The following UPP2 variants were observed in gnomAD, a reference collection of about 807,000 sequenced individuals.
UPP2 encodes the protein UPase 2.
UPP2 carries 23 observed loss-of-function variants against 26.7 expected under a neutral mutation model. The ratio of observed to expected loss-of-function variants is 0.86; its 90% CI spans 0.62 to 1.22. The LOEUF (loss-of-function observed/expected upper bound fraction) is 1.22, where lower values mean the gene tolerates loss of function less well. UPP2 is among the 50% of genes most tolerant of loss of function. The pLI is 0.00. For synonymous variants in UPP2, 127 were observed against 141.3 expected, an observed-to-expected ratio of 0.90 and a Z score of 0.72; for missense variants, 387 against 396.7, an observed-to-expected ratio of 0.98 and a Z score of 0.21.
At chr2:158,098,223 A>C (rs1452458347), upstream of UPP2, among the ~76,000 whole-genome samples, 1 of 152,112 alleles carries the variant, frequency 6.6e-6, no homozygotes, top group Non-Finnish European at 1.5e-5. Flanking sequence ...ATGGTGCAAG[A>C]GGCAGGCCAA....
At chr2:158,097,620 G>A (rs559100149), upstream of UPP2, among the ~76,000 whole-genome samples, 32 of 152,266 alleles carry the variant, frequency 2.1e-4, 1 homozygote, top group South Asian at 6.6e-3. Context: ...CCTTTGCAAG[G>A]ATTAGGGGAT....
At chr2:158,018,402 G>A (rs1245277441) in intron 3 of UPP2, among the ~76,000 whole-genome samples, 1 of 152,226 alleles carries the variant, frequency 6.6e-6, no homozygotes, top group African/African-American at 2.4e-5. Flanking sequence ...CTGAATGCAA[G>A]TGAGCATTAG....
chr2:158,058,292 CAAAAAAAAAA>C (rs57994785), intron 3 of UPP2, among the ~76,000 whole-genome samples: 1 of 38,806 alleles, frequency 2.6e-5, no homozygotes, highest in Non-Finnish European at 5.2e-5. Context: ...GACTCCGTCT[CAAAAAAAAAA>C]AAAAAAAAAA....
Position 158,095,800 on chromosome 2 carries a change from T to C in UPP2, c.148-6240T>C, listed in dbSNP as rs532057354. Reference sequence around the variant, plus strand: ...ATTCTTCCTGTTTTTTTTTTCATTATTTTTCCTTATCCTTCAGATTTCTAT... The same window carrying C: ...ATTCTTCCTGTTTTTTTTTTCATTACTTTTCCTTATCCTTCAGATTTCTAT... On this transcript the variant is annotated intron_variant, in intron 3 of 9. Transcript: ENST00000605860. Among the ~76,000 whole-genome samples the C allele has an allele frequency of 3.3e-5, 5 of 152,244 alleles. No individual in the cohort carries two copies. In the South Asian group the frequency reaches 1.0e-3, roughly 32 times the overall value.
chr2:158,125,072 AAGG>A (rs1683664051), intron 6 of UPP2, among the ~76,000 whole-genome samples: 1 of 152,220 alleles, frequency 6.6e-6, no homozygotes, highest in Admixed American at 6.5e-5. Flanking sequence ...GGGAGAGACC[AAGG>A]AGGAGTGGCC....
At chr2:158,058,259 T>C (rs556045516) in intron 3 of UPP2, among the ~76,000 whole-genome samples, 10 of 142,776 alleles carry the variant, frequency 7.0e-5, no homozygotes, top group South Asian at 2.3e-4. Context: ...TGCCACTGCA[T>C]GCCAGCCTGG....
chr2:158,101,198 G>A (rs1244580715), upstream of UPP2, among the ~76,000 whole-genome samples: 3 of 152,204 alleles, frequency 2.0e-5, no homozygotes, highest in Non-Finnish European at 2.9e-5. Context: ...GGATGAAGTT[G>A]TCTAGTTTTC....
chr2:158,041,061 A>G (rs761587169), intron 3 of UPP2, among the ~76,000 whole-genome samples: 36 of 152,320 alleles, frequency 2.4e-4, no homozygotes, highest in Non-Finnish European at 4.4e-4. Flanking sequence ...TTAGCCTAAC[A>G]GGGTGGCTGT....
intron 2 of UPP2, among the ~76,000 whole-genome samples, chr2:158,113,151 T>C (rs1461070132): frequency 6.6e-6 from 1 of 152,202 alleles, no homozygotes; most frequent in Non-Finnish European, 1.5e-5. Flanking sequence ...TCTCCAGAAA[T>C]ATTCAGAAAT....
rs1294551112 is a variant in UPP2, at chr2:158,073,729, TC to T, written c.148-28309del. ...AAACAAACTTTTACCCTAGAACATATCCAATGAAAATATCCTTCAAGCATGA... is the reference window on the plus strand; with the variant it reads ...AAACAAACTTTTACCCTAGAACATATCAATGAAAATATCCTTCAAGCATGA... On this transcript the variant is annotated intron_variant, in intron 3 of 9. Transcript: ENST00000605860. Among the ~76,000 whole-genome samples the T allele has an allele frequency of 2.0e-5, 3 of 152,024 alleles. No homozygotes were observed. In the East Asian group the frequency reaches 5.8e-4, roughly 29 times the overall value.
intron 2 of UPP2, among the ~76,000 whole-genome samples, chr2:158,108,677 C>T (rs1042604218): frequency 9.9e-5 from 15 of 152,056 alleles, no homozygotes; most frequent in African/African-American, 2.2e-4. Flanking sequence ...CAGACCTTCA[C>T]GTCTGCCTGT....
intron 6 of UPP2, among the ~76,000 whole-genome samples, chr2:158,125,333 T>A (rs531747726): frequency 3.9e-5 from 6 of 152,170 alleles, no homozygotes; most frequent in African/African-American, 1.4e-4. Context: ...TGAACCACTA[T>A]CCTTAACTAC....
chr2:158,130,988 C>A (rs1427129963), intron 6 of UPP2, among the ~76,000 whole-genome samples: 1 of 152,132 alleles, frequency 6.6e-6, no homozygotes, highest in Non-Finnish European at 1.5e-5. Flanking sequence ...ACAAATTTTC[C>A]CCACCTTGTT....
At chr2:158,116,043 C>T (rs896388804) in intron 3 of UPP2, among the ~76,000 whole-genome samples, 4 of 152,194 alleles carry the variant, frequency 2.6e-5, no homozygotes, top group African/African-American at 2.4e-5. Context: ...CTGTAAGTGG[C>T]TCCTACCATA....
intron 6 of UPP2, among the ~76,000 whole-genome samples, chr2:158,133,256 A>G (rs2105236246): frequency 6.6e-6 from 1 of 152,370 alleles, no homozygotes. Context: ...GTTAAGTGAA[A>G]TAAGCCAGGC....
chr2:158,115,203 T>C lies in UPP2; in HGVS notation c.283T>C (p.Cys95Arg). The change falls in exon 3 of 7, where the codon TGT becomes CGT. Residue 95 changes from cysteine (C) to arginine (R), a missense_variant. Physicochemically the swap from Cys to Arg is radical, Grantham distance 180. Transcript: ENST00000005756. ...AGCTGAAGAAGACATAAAAGACATC[T>C]GTGCTGGGACAGACAGATACTGTAT... ...EEAEEDIKDICAGTDRYCMYK... is the reference protein window; with the variant it reads ...EEAEEDIKDIRAGTDRYCMYK... 1.2e-6 allele frequency: 2 copies of C among 1,613,752 alleles called. No individual in the cohort carries two copies. Among genetic ancestry groups the C allele is most frequent in the Non-Finnish European group, 1.7e-6 (2 of 1,179,836 alleles).
chr2:158,073,823 C>T (rs148249641), intron 3 of UPP2, among the ~76,000 whole-genome samples: 109 of 152,324 alleles, frequency 7.2e-4, no homozygotes, highest in African/African-American at 2.6e-3. Flanking sequence ...ATCTTTCCTA[C>T]AGCAAATGCT....
rs1330463105 is a variant in UPP2 at position 158,051,154 on chromosome 2, A to AAT, written c.147+35271_147+35272dup. Among the ~76,000 whole-genome samples the AAT allele has an allele frequency of 1.1e-4, 11 of 103,120 alleles. No homozygotes were observed. In the East Asian group the frequency reaches 3.0e-3, roughly 28 times the overall value. The allele number at this position is 103,120 out of a possible 152,430, so 67.7% of individuals were successfully genotyped here. A position where few individuals can be genotyped will look rare whatever the true frequency, so the allele number is the denominator to read the frequency against. On this transcript the variant is annotated intron_variant, in intron 3 of 9. Coordinates refer to the UPP2 transcript ENST00000605860. ...AAAAATCATTGAGGGTCACTCTAGGAATATGTGTGTGTGTGTGTGTGTGTG... is the reference window on the plus strand; with the variant it reads ...AAAAATCATTGAGGGTCACTCTAGGAATATATGTGTGTGTGTGTGTGTGTGTG...
chr2:158,013,242 G>C (rs1683608472), intron 2 of UPP2, among the ~76,000 whole-genome samples: 1 of 152,118 alleles, frequency 6.6e-6, no homozygotes, highest in Admixed American at 6.5e-5. Flanking sequence ...GTGATCCTCT[G>C]ACTTCGGCCT....
Sources: allele counts gnomAD v4.1 joint callset (sites outside exome capture counted in the v4.1 genomes callset), GRCh38; gene constraint gnomAD v4.1.1; transcripts MANE v1.5; gene names NCBI Gene and HGNC (gene_info 2026-07-23, HGNC 2026-07-21).